Variants in KLHL8 observed in about 807,000 individuals in gnomAD.
KLHL8 encodes kelch like family member 8.
A neutral mutation model predicts 63.5 loss-of-function variants in KLHL8; 38 were observed. The observed-to-expected ratio is 0.60, with a 90% CI of 0.46 to 0.78. The LOEUF is 0.78. KLHL8 is among the 30% of genes least tolerant of loss of function. KLHL8 has a pLI of 0.00. For missense variants in KLHL8, 566 were observed against 752.4 expected, an observed-to-expected ratio of 0.75 and a Z score of 2.90; for synonymous variants, 224 against 254.3, an observed-to-expected ratio of 0.88 and a Z score of 1.13.
chr4:87,189,856 C>T (rs576808732), intron 2 of KLHL8, among the ~76,000 whole-genome samples: 6 of 151,148 alleles, frequency 4.0e-5, no homozygotes, highest in East Asian at 1.9e-4. Flanking sequence ...GGTGAAACCC[C>T]GTCTATACTG....
intron 1 of KLHL8, among the ~76,000 whole-genome samples, chr4:87,229,434 T>C (rs1733095560): frequency 1.4e-5 from 1 of 72,016 alleles, no homozygotes; most frequent in Admixed American, 1.4e-4. Context: ...TTTTTTTTTT[T>C]TGGTGGGGGG....
At chr4:87,237,400 T>A (rs1429609567) in intron 1 of KLHL8, among the ~76,000 whole-genome samples, 1 of 152,188 alleles carries the variant, frequency 6.6e-6, no homozygotes, top group East Asian at 1.9e-4. Flanking sequence ...GTTTAACTGT[T>A]ATCAGTAGAA....
chr4:87,208,954 T>C (rs560407194), intron 1 of KLHL8, among the ~76,000 whole-genome samples: 1 of 152,318 alleles, frequency 6.6e-6, no homozygotes, highest in Admixed American at 6.5e-5. Context: ...AAAAGCTGTC[T>C]ATACCAAATT....
chr4:87,185,603 T>C lies in KLHL8; in HGVS notation c.413A>G (p.Gln138Arg). 1 of 1,614,236 alleles carries C rather than the reference T, an allele frequency of 6.2e-7. No individual in the cohort carries two copies. Among genetic ancestry groups the C allele is most frequent in the Non-Finnish European group, 8.5e-7 (1 of 1,180,032 alleles). Reference protein sequence around the residue: ...SRLTLTVDNVQPLLYAACILQ... With the variant: ...SRLTLTVDNVRPLLYAACILQ... ...AATACAGGCTGCATATAAGAGAGGC[T>C]GGACATTGTCAACAGTCAAAGTGAG... is the stretch of plus-strand genomic sequence containing the variant. The change falls in exon 3 of 10, where the codon CAG (glutamine) becomes CGG (arginine). Residue 138 changes from glutamine (Q) to arginine (R), a missense_variant. Coordinates refer to ENST00000273963, the MANE Select transcript of KLHL8 (RefSeq NM_020803.5).
Position 87,185,330 on chromosome 4 carries a change from T to TG in KLHL8, c.685dup (p.Gln229ProfsTer4). 1 of 1,614,210 alleles carries TG rather than the reference T, an allele frequency of 6.2e-7. No individual in the cohort carries two copies. The highest frequency in any genetic ancestry group is 8.5e-7 in the Non-Finnish European group (1 of 1,180,016). On this transcript the variant is annotated frameshift_variant, in exon 3 of 10. Coordinates refer to ENST00000273963, the MANE Select transcript of KLHL8 (RefSeq NM_020803.5). LOFTEE classifies it high-confidence loss of function. ...CCACTTGATGGCAGCATTATAGACC[T>TG]GCTTTTCATTTTCAATATTTAGATC...
At chr4:87,189,202 T>G (rs1731380882) in intron 2 of KLHL8, among the ~76,000 whole-genome samples, 1 of 152,202 alleles carries the variant, frequency 6.6e-6, no homozygotes, top group Non-Finnish European at 1.5e-5. Context: ...ACTGGTTGCC[T>G]TTAATTGGCT....
At chr4:87,194,862 T>A (rs1461409690) in intron 2 of KLHL8, among the ~76,000 whole-genome samples, 1 of 152,152 alleles carries the variant, frequency 6.6e-6, no homozygotes, top group Non-Finnish European at 1.5e-5. Flanking sequence ...ATGGTAACAA[T>A]GAAGTAGAGA....
At chr4:87,230,716 C>T (rs1159347892) in intron 1 of KLHL8, among the ~76,000 whole-genome samples, 1 of 152,162 alleles carries the variant, frequency 6.6e-6, no homozygotes, top group Non-Finnish European at 1.5e-5. Flanking sequence ...CTATTTCCAG[C>T]ATCTAACGCA....
chr4:87,170,362 C>G, intron 7 of KLHL8, 85 bp downstream of exon 7: 12 of 1,425,338 alleles, frequency 8.4e-6, no homozygotes, highest in Non-Finnish European at 1.1e-5. Context: ...TATCTTCATA[C>G]TGGTGATGAT....
chr4:87,206,477 T>C (rs1732137123), intron 1 of KLHL8, among the ~76,000 whole-genome samples: 1 of 152,218 alleles, frequency 6.6e-6, no homozygotes, highest in Non-Finnish European at 1.5e-5. Context: ...GAAAAACTAC[T>C]TATTAAACCA....
chr4:87,237,974 C>T (rs568267328), intron 1 of KLHL8, among the ~76,000 whole-genome samples: 6 of 151,896 alleles, frequency 4.0e-5, no homozygotes, highest in African/African-American at 7.3e-5. Flanking sequence ...CTTGCTGTGT[C>T]GCCCAGGCTG....
chr4:87,187,094 A>G (rs1356804683), intron 2 of KLHL8, among the ~76,000 whole-genome samples: 1 of 152,200 alleles, frequency 6.6e-6, no homozygotes, highest in Non-Finnish European at 1.5e-5. Context: ...CGTTATTCAC[A>G]TTCTCTATTA....
upstream of KLHL8, among the ~76,000 whole-genome samples, chr4:87,222,649 T>G (rs1322519878): frequency 6.6e-6 from 1 of 152,136 alleles, no homozygotes; most frequent in Non-Finnish European, 1.5e-5. Context: ...AGTGGCACAA[T>G]CTCAGCTCAC....
At chr4:87,176,162 A>G (rs1447604102) in intron 6 of KLHL8, among the ~76,000 whole-genome samples, 1 of 152,246 alleles carries the variant, frequency 6.6e-6, no homozygotes, top group Non-Finnish European at 1.5e-5. Flanking sequence ...CATTATGGGA[A>G]GCCAGGTGCA....
At chr4:87,184,855 T>C (rs556465372) in intron 3 of KLHL8, among the ~76,000 whole-genome samples, 1 of 152,322 alleles carries the variant, frequency 6.6e-6, no homozygotes, top group Admixed American at 6.5e-5. Context: ...ACATTAGGAA[T>C]AACTATACTT....
At chr4:87,180,604 C>T (rs1731013078) in intron 4 of KLHL8, among the ~76,000 whole-genome samples, 1 of 152,150 alleles carries the variant, frequency 6.6e-6, no homozygotes, top group South Asian at 2.1e-4. Flanking sequence ...TCTGTATGTG[C>T]CTGCATTTCT....
At chr4:87,236,069 T>G (rs1185071655) in intron 1 of KLHL8, among the ~76,000 whole-genome samples, 1 of 152,174 alleles carries the variant, frequency 6.6e-6, no homozygotes, top group Non-Finnish European at 1.5e-5. Flanking sequence ...GGCTCTTTCT[T>G]AAAGTAAGCC....
chr4:87,181,771 A>G (rs946105462), intron 4 of KLHL8, among the ~76,000 whole-genome samples: 1 of 152,148 alleles, frequency 6.6e-6, no homozygotes, highest in South Asian at 2.1e-4. Flanking sequence ...CCTACTACAT[A>G]AAGTTCCTTC....
At chr4:87,240,067 C>T (rs1487570205) in intron 1 of KLHL8, among the ~76,000 whole-genome samples, 1 of 152,150 alleles carries the variant, frequency 6.6e-6, no homozygotes, top group Non-Finnish European at 1.5e-5. Context: ...CTTTTCCCCA[C>T]AGCACTTTGA....
Sources: gnomAD v4.1 joint callset for allele counts (sites outside exome capture counted in the v4.1 genomes callset) on GRCh38, gnomAD v4.1.1 for gene constraint, MANE v1.5 for transcripts, NCBI Gene and HGNC (gene_info 2026-07-23, HGNC 2026-07-21) for gene names.